Variants in SRCAP observed in about 807,000 individuals in gnomAD.
SRCAP encodes chromatin remodeling protein SRCAP.
A neutral mutation model predicts 263.1 loss-of-function variants in SRCAP; 46 were observed. The observed-to-expected ratio is 0.17, with a 90% CI of 0.14 to 0.22. The LOEUF (loss-of-function observed/expected upper bound fraction) is 0.22. Among genes scored for constraint, SRCAP ranks in the 10% least tolerant of loss-of-function variants. The probability of loss-of-function intolerance (pLI) is 1.00; values close to 1 mark genes in which losing one functional copy is unlikely to be tolerated. For missense variants in SRCAP, 3,695 were observed against 4,181.9 expected (o/e 0.88, Z 3.21); for synonymous variants, 1,813 against 1,662.1 (o/e 1.09, Z -2.21).
At chr16:30,704,449 T>C in intron 4 of SRCAP, 134 bp downstream of exon 4, 1 of 1,099,976 alleles carries the variant, frequency 9.1e-7, no homozygotes, top group East Asian at 2.5e-5. Context: ...ATGTATATGA[T>C]CGTGAGCAAA....
chr16:30,708,792 G>A (rs980523514), intron 6 of SRCAP, among the ~76,000 whole-genome samples: 1 of 152,172 alleles, frequency 6.6e-6, no homozygotes, highest in Non-Finnish European at 1.5e-5. Flanking sequence ...GCCTCCCAAA[G>A]TGTGAGCCAC....
In SRCAP at chr16:30,733,529, G is replaced by T. The variant is rs2053132036; in HGVS notation, c.6298-73G>T. 1.2e-5 allele frequency: 19 copies of T among 1,605,008 alleles called. No homozygotes were observed. The highest frequency in any genetic ancestry group is 5.6e-5 in the South Asian group (5 of 90,060). The stretch of plus-strand genomic sequence containing the variant: ...CCCAGGATTTGGGCTTCCAGACGGG[G>T]TGCCACTAAGCCTTTAGACCTGTTT... On this transcript the variant is annotated intron_variant, in intron 28 of 33. Coordinates refer to ENST00000262518, the MANE Select transcript of SRCAP (RefSeq NM_006662.3). The surrounding 1 kb of genome is among the most constrained non-coding windows in gnomAD (Gnocchi z 5.3).
At chr16:30,708,237 C>T (rs1463538729) in intron 6 of SRCAP, among the ~76,000 whole-genome samples, 1 of 152,152 alleles carries the variant, frequency 6.6e-6, no homozygotes, top group Non-Finnish European at 1.5e-5. Flanking sequence ...TGGACAGAGT[C>T]TTGCTGTGTC....
chr16:30,713,816 A>C, intron 16 of SRCAP, 105 bp downstream of exon 16: 1 of 1,032,050 alleles, frequency 9.7e-7, no homozygotes, highest in East Asian at 2.4e-5. Context: ...AGTCAGTGCC[A>C]GGCTAAACTC....
chr16:30,732,188 A>G (rs2053120338), intron 27 of SRCAP, among the ~76,000 whole-genome samples: 1 of 151,976 alleles, frequency 6.6e-6, no homozygotes, highest in Non-Finnish European at 1.5e-5. Context: ...ACGGTGGCTC[A>G]CGCCTGTAAT....
chr16:30,720,851 C>T lies in SRCAP; in HGVS notation c.3126C>T (p.Pro1042=). ...CCCAGCCCACCCCTGGCCCAGTCCC[C>T]CAAGTGCTGCCAGCATCACTGATGG... ...LSAQPTPGPV[P]QVLPASLMVS... The change falls in exon 20 of 34, where the codon CCC becomes CCT. Residue 1042 remains proline (P), a synonymous_variant. Coordinates refer to ENST00000262518, the MANE Select transcript of SRCAP (RefSeq NM_006662.3). The T allele has an allele frequency of 6.2e-7, 1 of 1,614,124 alleles. No individual in the cohort carries two copies.
chr16:30,737,533 C>T lies in SRCAP; in HGVS notation c.7493C>T (p.Ala2498Val), dbSNP rs1012051129. Residue 2498 changes from alanine (A) to valine (V), a missense_variant, in exon 34 of 34, where the codon GCC becomes GTC. Coordinates refer to ENST00000262518, the MANE Select transcript of SRCAP (RefSeq NM_006662.3). ...PSQIPPCSSP[A>V]CTPPPACTPP... is the part of the protein sequence containing the mutation. The stretch of plus-strand genomic sequence containing the variant: ...CAGATTCCTCCTTGTTCTTCTCCTG[C>T]CTGCACCCCTCCTCCTGCCTGTACC... The T allele has an allele frequency of 9.9e-6, 16 of 1,608,332 alleles. No individual in the cohort carries two copies. Among genetic ancestry groups the T allele is most frequent in the Non-Finnish European group, 1.3e-5 (15 of 1,174,806 alleles).
rs1480147359 is a variant in SRCAP, at chr16:30,723,708, C to G, written c.4284C>G (p.Ser1428=). The part of the protein sequence containing the change: ...PNSSPLASPV[S]STVSVPLSSS... ...CCTCTCCCCTTGCTAGTCCTGTGTC[C>G]TCTACAGTCTCAGTTCCATTGTCAT... The change falls in exon 25 of 34, where the codon TCC becomes TCG. Residue 1428 remains serine (S), a synonymous_variant. Transcript: ENST00000262518. 6.2e-7 allele frequency: 1 copy of G among 1,614,074 alleles called. No homozygotes were observed. The highest frequency in any genetic ancestry group is 1.7e-5 in the Admixed American group (1 of 60,008).
chr16:30,725,463 A>G, intron 25 of SRCAP: 1 of 173,976 alleles, frequency 5.7e-6, no homozygotes, highest in Non-Finnish European at 1.2e-5. Context: ...AGTTAAACTC[A>G]CAGTTCAGCT....
rs747410723 is a variant in SRCAP at position 30,704,095 on chromosome 16, C to T, written c.86C>T (p.Pro29Leu). Residue 29 changes from proline (P) to leucine (L), a missense_variant, in exon 4 of 34, where the codon CCT (proline) becomes CTT (leucine). Transcript: ENST00000262518. ...TCGGACGGCATGACAGGCAGCAATC[C>T]TGTGTCCCCTGCCTCATCCAGTTCC... ...MVSDGMTGSN[P>L]VSPASSSSPA... The T allele has an allele frequency of 6.2e-7, 1 of 1,613,904 alleles. No homozygotes were observed. Among genetic ancestry groups the T allele is most frequent in the Non-Finnish European group, 8.5e-7 (1 of 1,179,900 alleles).
rs1325521330 is a variant in SRCAP at position 30,738,207 on chromosome 16, C to T, written c.8167C>T (p.Arg2723Cys). ...GPSPARPPRR[R>C]TSADVEIRGQ... ...TTCACCTGCCCGACCTCCTCGGCGT[C>T]GCACCAGTGCTGATGTGGAAATTAG... The change falls in exon 34 of 34, where the codon CGC becomes TGC. Residue 2723 changes from arginine (R) to cysteine (C), a missense_variant. By Grantham distance (180) the Arg-to-Cys change is radical. Around this residue, in one of 12 missense-constraint regions of SRCAP, gnomAD observed 1,207 missense variants for 1,142.9 expected, o/e 1.06. Transcript: ENST00000262518. The T allele has an allele frequency of 1.9e-6, 3 of 1,614,186 alleles. No homozygotes were observed. The highest frequency in any genetic ancestry group is 1.1e-5 in the South Asian group (1 of 91,088).
Position 30,720,977 on chromosome 16 carries a change from G to T in SRCAP, c.3252G>T (p.Gln1084His). The T allele has an allele frequency of 6.3e-7, 1 of 1,598,576 alleles. No homozygotes were observed. Among genetic ancestry groups the T allele is most frequent in the Non-Finnish European group, 8.5e-7 (1 of 1,171,964 alleles). Residue 1084 changes from glutamine (Q) to histidine (H), a missense_variant and splice_region_variant, in exon 20 of 34, where the codon CAG becomes CAT. Transcript: ENST00000262518. ...AGCCCAACAGTGGTTCTCTCCCCCA[G>T]GGTGAGTTGAAAGGGAGCCAAGGAT... ...PLQPNSGSLPQVLPSPLGVLS... is the reference protein window; with the variant it reads ...PLQPNSGSLPHVLPSPLGVLS...
intron 25 of SRCAP, among the ~76,000 whole-genome samples, chr16:30,726,601 A>G (rs2053066893): frequency 6.6e-6 from 1 of 151,532 alleles, no homozygotes. Flanking sequence ...GCTCACTGCA[A>G]CCTCTGTCTC....
intron 6 of SRCAP, among the ~76,000 whole-genome samples, chr16:30,708,464 G>A (rs2151286792): frequency 6.6e-6 from 1 of 152,184 alleles, no homozygotes; most frequent in South Asian, 2.1e-4. Flanking sequence ...CGCAATCTTG[G>A]CTCACTGCAA....
At chr16:30,716,522 A>G (rs1178464197) in intron 18 of SRCAP, 43 bp downstream of exon 18, 9 of 1,554,424 alleles carry the variant, frequency 5.8e-6, no homozygotes, top group African/African-American at 2.7e-5. Flanking sequence ...GGTTATCGGC[A>G]TTACTCCAAC....
rs145102978 is a variant in SRCAP at position 30,700,451 on chromosome 16, C to T, written c.-209-165C>T. On this transcript the variant is annotated intron_variant, in intron 2 of 33. Coordinates refer to ENST00000262518, the MANE Select transcript of SRCAP (RefSeq NM_006662.3). ...TAGGTGTGAGGATTATAGAACACATCAAACAGGTACTAAAAGTATCTTATA... is the reference window on the plus strand; with the variant it reads ...TAGGTGTGAGGATTATAGAACACATTAAACAGGTACTAAAAGTATCTTATA... 2.9e-3 allele frequency among the ~76,000 whole-genome samples: 446 copies of T among 152,326 alleles called. 2 individuals are homozygous for T. The highest frequency in any genetic ancestry group is 9.5e-3 in the African/African-American group (393 of 41,568).
In SRCAP at chr16:30,724,169, C is replaced by T. The variant is rs867403384; in HGVS notation, c.4745C>T (p.Ala1582Val). ...GCTCCAGCATCTTCTGCATCTCAGG[C>T]TCTAGCCACCCCTCTGGCTCCTATG... ...LLAPASSASQ[A>V]LATPLAPMAA... Residue 1582 changes from alanine (A) to valine (V), a missense_variant, in exon 25 of 34, where the codon GCT becomes GTT. Around this residue, in one of 12 missense-constraint regions of SRCAP, gnomAD observed 1,347 missense variants for 1,304.4 expected, o/e 1.03. Transcript: ENST00000262518. The T allele has an allele frequency of 6.2e-7, 1 of 1,614,030 alleles. No individual in the cohort carries two copies. Among genetic ancestry groups the T allele is most frequent in the East Asian group, 2.2e-5 (1 of 44,896 alleles).
In SRCAP at chr16:30,724,523, T is replaced by G; in HGVS notation, c.5099T>G (p.Leu1700Arg). 3 of 1,613,952 alleles carry G rather than the reference T, an allele frequency of 1.9e-6. No homozygotes were observed. The highest frequency in any genetic ancestry group is 1.7e-6 in the Non-Finnish European group (2 of 1,179,996). Residue 1700 changes from leucine to arginine, a missense_variant, in exon 25 of 34, where the codon CTC becomes CGC. Around this residue, in one of 12 missense-constraint regions of SRCAP, gnomAD observed 1,347 missense variants for 1,304.4 expected, o/e 1.03. Coordinates refer to ENST00000262518, the MANE Select transcript of SRCAP (RefSeq NM_006662.3). ...GGAGGCTCATCTCCATCTCAGACAC[T>G]CTCTTTGGGAACGGGGAACCCCCAG... ...TLGGSSPSQT[L>R]SLGTGNPQGP...
chr16:30,724,471 C>T lies in SRCAP; in HGVS notation c.5047C>T (p.Leu1683=), dbSNP rs753607138. 5 of 1,614,114 alleles carry T rather than the reference C, an allele frequency of 3.1e-6. No individual in the cohort carries two copies. Among genetic ancestry groups the T allele is most frequent in the Non-Finnish European group, 4.2e-6 (5 of 1,180,050 alleles). The part of the protein sequence containing the change: ...PSPASTQTLA[L]APALAPTLGG... The stretch of plus-strand genomic sequence containing the variant: ...CCCGGCTTCTACGCAGACACTGGCC[C>T]TAGCCCCAGCTTTAGCACCCACTCT... The change falls in exon 25 of 34, where the codon CTA becomes TTA. Residue 1683 remains leucine (L), a synonymous_variant. Coordinates refer to ENST00000262518, the MANE Select transcript of SRCAP (RefSeq NM_006662.3).
Sources: allele counts gnomAD v4.1 joint callset (sites outside exome capture counted in the v4.1 genomes callset), GRCh38; gene constraint gnomAD v4.1.1; regional missense constraint gnomAD v4.1.1; non-coding constraint Gnocchi (gnomAD v3.1); transcripts MANE v1.5; gene names NCBI Gene and HGNC (gene_info 2026-07-23, HGNC 2026-07-21).